The following SLC6A4 variants were observed in gnomAD, a reference collection of about 807,000 sequenced individuals.
SLC6A4 encodes the protein sodium-dependent serotonin transporter.
A neutral mutation model predicts 73.4 loss-of-function variants in SLC6A4; 22 were observed. The observed-to-expected ratio is 0.30, with a 90% CI of 0.21 to 0.43. SLC6A4 has a LOEUF of 0.43. SLC6A4 is among the 20% of genes least tolerant of loss of function. SLC6A4 has a pLI of 1.00. For synonymous variants in SLC6A4, 270 were observed against 315.5 expected, an observed-to-expected ratio of 0.86 and a Z score of 1.53; for missense variants, 593 against 808.5, an observed-to-expected ratio of 0.73 and a Z score of 3.23.
At chr17:30,230,958 C>T (rs145159483) in intron 1 of SLC6A4, among the ~76,000 whole-genome samples, 1 of 152,302 alleles carries the variant, frequency 6.6e-6, no homozygotes, top group East Asian at 1.9e-4. Context: ...CATCCTTACA[C>T]ATCATTGCAC....
intron 2 of SLC6A4, 116 bp from the exon 3 acceptor site, chr17:30,222,197 T>C (rs1253917747): frequency 1.5e-6 from 1 of 645,762 alleles, no homozygotes; most frequent in South Asian, 1.9e-5. Context: ...AATGCATCTG[T>C]TAAATGTGAG....
In SLC6A4 at chr17:30,195,027, T is replaced by C. The variant is rs1430468188; in HGVS notation, c.*3429A>G. On this transcript the variant is annotated 3_prime_UTR_variant, in exon 15 of 15. Transcript: ENST00000650711. ...GTAGAGCAGCTTGGCATAGATTCTG[T>C]GAGGTGTTGGTAAGAGAAATACCAC... The C allele has an allele frequency of 2.0e-5, 3 of 152,204 alleles. No individual in the cohort carries two copies. Among genetic ancestry groups the C allele is most frequent in the African/African-American group, 7.2e-5 (3 of 41,452 alleles). 9.4% of individuals were successfully genotyped at this position (152,204 alleles called of 1,614,324 possible).
Position 30,217,243 on chromosome 17 carries a change from G to T in SLC6A4, c.760C>A (p.Gln254Lys), listed in dbSNP as rs1906606603. 6.2e-7 allele frequency: 1 copy of T among 1,613,898 alleles called. No homozygotes were observed. The highest frequency in any genetic ancestry group is 1.7e-5 in the Admixed American group (1 of 60,008). ...GLQDLGGISW[Q>K]LALCIMLIFT... is the part of the protein sequence containing the mutation. ...ATCAGCATGATGCAGAGGGCCAGCT[G>T]CCAGCTGATGCCCCCCAGGTCCTGG... Residue 254 changes from glutamine to lysine, a missense_variant, in exon 6 of 15, where the codon CAG (glutamine) becomes AAG (lysine). Gln to Lys is a moderately conservative substitution (Grantham distance 53). Coordinates refer to ENST00000650711, the MANE Select transcript of SLC6A4 (RefSeq NM_001045.6).
intron 1 of SLC6A4, among the ~76,000 whole-genome samples, chr17:30,234,956 T>C (rs1597649168): frequency 6.6e-6 from 1 of 152,204 alleles, no homozygotes; most frequent in East Asian, 1.9e-4. Flanking sequence ...AGAACAAGTT[T>C]GAATGTACAC....
At chr17:30,203,917 T>C (rs536062607) in intron 13 of SLC6A4, among the ~76,000 whole-genome samples, 3 of 152,236 alleles carry the variant, frequency 2.0e-5, no homozygotes, top group African/African-American at 7.2e-5. Flanking sequence ...CCTTCTCCCA[T>C]TTTCCTGAGC....
intron 1 of SLC6A4, among the ~76,000 whole-genome samples, chr17:30,224,926 G>T (rs1358939951): frequency 6.6e-6 from 1 of 152,192 alleles, no homozygotes; most frequent in African/African-American, 2.4e-5. Context: ...GCTCCTGGAA[G>T]AGTAATACGC....
At chr17:30,218,507 G>A (rs946682588) in intron 4 of SLC6A4, among the ~76,000 whole-genome samples, 170 bp from the exon 5 acceptor site, 1 of 152,220 alleles carries the variant, frequency 6.6e-6, no homozygotes, top group Admixed American at 6.5e-5. Flanking sequence ...AAGTGGCCCT[G>A]CCGTTAGTCA....
In SLC6A4 at chr17:30,209,161, C is replaced by A. The variant is rs764370121; in HGVS notation, c.1531G>T (p.Ala511Ser). The stretch of plus-strand genomic sequence containing the variant: ...GTCTTACCATAGAACCAAGACACAG[C>A]GACTGCTTCGATCAGCGCGACAGTG... The part of the protein sequence containing the change: ...VLTVALIEAV[A>S]VSWFYGITQF... Residue 511 changes from alanine to serine, a missense_variant, in exon 12 of 15, where the codon GCT becomes TCT. By Grantham distance (99) the Ala-to-Ser change is moderately conservative. Transcript: ENST00000650711. 2 of 1,613,004 alleles carry A rather than the reference C, an allele frequency of 1.2e-6. No homozygotes were observed. The highest frequency in any genetic ancestry group is 2.2e-5 in the South Asian group (2 of 91,028).
intron 13 of SLC6A4, 145 bp from the exon 14 acceptor site, chr17:30,203,484 G>A: frequency 1.4e-6 from 1 of 696,362 alleles, no homozygotes; most frequent in Non-Finnish European, 2.4e-6. Flanking sequence ...ATTGAACTCT[G>A]ACACACAGAA....
intron 8 of SLC6A4, among the ~76,000 whole-genome samples, chr17:30,213,817 G>A (rs1906464024): frequency 6.6e-6 from 1 of 152,088 alleles, no homozygotes; most frequent in African/African-American, 2.4e-5. Flanking sequence ...CATGAACACA[G>A]CTCACTGCAG....
At chr17:30,208,683 T>C (rs1301596469) in intron 12 of SLC6A4, among the ~76,000 whole-genome samples, 1 of 152,020 alleles carries the variant, frequency 6.6e-6, no homozygotes, top group East Asian at 1.9e-4. Flanking sequence ...TTTATTTTTG[T>C]TTGTTTTTGG....
At position 30,197,764 on chromosome 17, in the gene SLC6A4, A is replaced by G. The variant is rs1905909840; in HGVS notation, c.*692T>C. The G allele has an allele frequency of 6.6e-6, 1 of 152,580 alleles. No individual in the cohort carries two copies. The highest frequency in any genetic ancestry group is 2.4e-5 in the African/African-American group (1 of 41,454). 9.5% of individuals were successfully genotyped at this position (152,580 alleles called of 1,614,324 possible). A position where few individuals can be genotyped will look rare whatever the true frequency, so the allele number is the denominator to read the frequency against. On this transcript the variant is annotated 3_prime_UTR_variant, in exon 15 of 15. Coordinates refer to ENST00000650711, the MANE Select transcript of SLC6A4 (RefSeq NM_001045.6). Reference sequence around the variant, plus strand: ...CTTCAAATAATAACCTCCATACACAATTGAGTTGGTAGAATTTGTTAATGT... The same window carrying G: ...CTTCAAATAATAACCTCCATACACAGTTGAGTTGGTAGAATTTGTTAATGT...
intron 1 of SLC6A4, 90 bp from the exon 2 acceptor site, chr17:30,223,005 G>T (rs991593114): frequency 4.7e-6 from 2 of 425,410 alleles, no homozygotes; most frequent in Non-Finnish European, 9.2e-6. Context: ...GGCCGGGGCT[G>T]CTGTGCCTTC....
intron 11 of SLC6A4, 121 bp from the exon 12 acceptor site, chr17:30,209,363 C>T (rs747514322): frequency 1.4e-4 from 86 of 633,514 alleles, no homozygotes; most frequent in Admixed American, 8.2e-5. Flanking sequence ...TGGGACCGAA[C>T]GTGAGTACCC....
chr17:30,209,373 C>T, intron 11 of SLC6A4, 131 bp from the exon 12 acceptor site: 2 of 604,662 alleles, frequency 3.3e-6, no homozygotes, highest in South Asian at 4.0e-5. Flanking sequence ...CGTGAGTACC[C>T]CAGAAACTGC....
chr17:30,194,592 A>G lies in SLC6A4; in HGVS notation c.*3864T>C, dbSNP rs978820804. 9 of 152,210 alleles carry G rather than the reference A, an allele frequency of 5.9e-5. No homozygotes were observed. Among genetic ancestry groups the G allele is most frequent in the African/African-American group, 2.2e-4 (9 of 41,460 alleles). 9.4% of individuals were successfully genotyped at this position (152,210 alleles called of 1,614,324 possible). A position where few individuals can be genotyped will look rare whatever the true frequency, so the allele number is the denominator to read the frequency against. On this transcript the variant is annotated 3_prime_UTR_variant, in exon 15 of 15. Transcript: ENST00000650711. ...CCCCAATTTTATCTTTTAAAATATGAATTTTTAATATATCATTTTCTTAAG... is the reference window on the plus strand; with the variant it reads ...CCCCAATTTTATCTTTTAAAATATGGATTTTTAATATATCATTTTCTTAAG...
At chr17:30,202,947 A>T (rs575737118) in intron 14 of SLC6A4, among the ~76,000 whole-genome samples, 1 of 152,328 alleles carries the variant, frequency 6.6e-6, no homozygotes, top group South Asian at 2.1e-4. Flanking sequence ...GGTGCACCCA[A>T]ATGATCAGCT....
chr17:30,213,013 C>T (rs1344404272), intron 8 of SLC6A4, 146 bp from the exon 9 acceptor site: 4 of 824,672 alleles, frequency 4.9e-6, no homozygotes, highest in Admixed American at 5.0e-5. Flanking sequence ...AAGCCTGTCC[C>T]GGAGTCCCTT....
chr17:30,228,161 T>A (rs56256560), intron 1 of SLC6A4, among the ~76,000 whole-genome samples: 6,848 of 152,326 alleles, frequency 0.045, 227 homozygotes, highest in South Asian at 0.093. Flanking sequence ...CTCCTTTCTG[T>A]TTCAGGTCTG....
Sources: gnomAD v4.1 joint callset for allele counts (sites outside exome capture counted in the v4.1 genomes callset) on GRCh38, gnomAD v4.1.1 for gene constraint, MANE v1.5 for transcripts, NCBI Gene and HGNC (gene_info 2026-07-23, HGNC 2026-07-21) for gene names.